Variants in ASXL1 observed in about 807,000 individuals in gnomAD.
ASXL1 encodes the protein polycomb group protein ASXL1.
Under a neutral mutation model 89.1 loss-of-function variants are expected in ASXL1, and 65 were observed. The observed-to-expected ratio is 0.73, with a 90% CI of 0.60 to 0.90. The LOEUF is 0.90. Ranked by LOEUF, ASXL1 falls within the 40% of genes least tolerant of loss-of-function variation. The pLI is 0.00. For missense variants in ASXL1, 1,786 were observed against 1,942.9 expected (o/e 0.92, Z 1.52); for synonymous variants, 739 against 746.9 (o/e 0.99, Z 0.17).
At position 32,434,888 on chromosome 20, in the gene ASXL1, AAGG is replaced by A. The variant is rs751039200; in HGVS notation, c.2181_2183del (p.Glu728del). 1.2e-6 allele frequency: 2 copies of A among 1,614,142 alleles called. No homozygotes were observed. Among genetic ancestry groups the A allele is most frequent in the Non-Finnish European group, 1.7e-6 (2 of 1,180,008 alleles). On this transcript the variant is annotated inframe_deletion, in exon 13 of 13. Transcript: ENST00000375687. ...GAGAGAGGACCTGCCTTCTCTGAGAAAGGAGGAAAGCTGCCTACTACAGAGGGC... is the reference window on the plus strand; with the variant it reads ...GAGAGAGGACCTGCCTTCTCTGAGAAAGGAAAGCTGCCTACTACAGAGGGC...
At chr20:32,400,230 CT>C (rs2048849445) in intron 4 of ASXL1, among the ~76,000 whole-genome samples, 1 of 152,046 alleles carries the variant, frequency 6.6e-6, no homozygotes, top group African/African-American at 2.4e-5. Context: ...ATTGACTATT[CT>C]CTTTAGTATA....
In ASXL1 at chr20:32,396,345, T is replaced by C. The variant is rs571079429; in HGVS notation, c.252+27222T>C. Among the ~76,000 whole-genome samples, 6 of 152,338 alleles carry C rather than the reference T, an allele frequency of 3.9e-5. No individual in the cohort carries two copies. The East Asian group carries it at 1.2e-3, about 29-fold the overall frequency. On this transcript the variant is annotated intron_variant, in intron 4 of 12. Coordinates refer to ENST00000375687, the MANE Select transcript of ASXL1 (RefSeq NM_015338.6). ...GGTTGTGGATATTTTTGTATTCATG[T>C]TGGTATTTTTGAGATTTGTTCTGGA...
chr20:32,392,786 A>G (rs1211794589), intron 4 of ASXL1, among the ~76,000 whole-genome samples: 1 of 152,102 alleles, frequency 6.6e-6, no homozygotes, highest in Non-Finnish European at 1.5e-5. Flanking sequence ...AAATCCAGAG[A>G]TCTTACTGTT....
Position 32,428,224 on chromosome 20 carries a change from A to C in ASXL1, c.349A>C (p.Ser117Arg), listed in dbSNP as rs1188313924. The change falls in exon 5 of 13, where the codon AGC becomes CGC. Residue 117 changes from serine (S) to arginine (R), a missense_variant. Ser to Arg is a moderately radical substitution (Grantham distance 110). Transcript: ENST00000375687. The part of the protein sequence containing the change: ...DVESCGSNEA[S>R]TVSGENDVSL... ...GGAGAGCTGTGGGTCTAATGAAGCC[A>C]GCACTGTGAGTGGTGAAAACGATGG... 1 of 1,614,208 alleles carries C rather than the reference A, an allele frequency of 6.2e-7. No individual in the cohort carries two copies. The highest frequency in any genetic ancestry group is 8.5e-7 in the Non-Finnish European group (1 of 1,180,036).
Position 32,435,902 on chromosome 20 carries a change from A to G in ASXL1, c.3190A>G (p.Ser1064Gly). Residue 1064 changes from serine (S) to glycine (G), a missense_variant, in exon 13 of 13, where the codon AGC (serine) becomes GGC (glycine). Around this residue, in one of 3 missense-constraint regions of ASXL1, gnomAD observed 1,418 missense variants for 1,427.8 expected, o/e 0.99. Transcript: ENST00000375687. The part of the protein sequence containing the change: ...TRTDGMVAPQ[S>G]WVSRVCAVRQ... Reference sequence around the variant, plus strand: ...GACAGATGGGATGGTTGCTCCTCAGAGCTGGGTGTCTCGAGTATGTGCGGT... The same window carrying G: ...GACAGATGGGATGGTTGCTCCTCAGGGCTGGGTGTCTCGAGTATGTGCGGT... The G allele has an allele frequency of 1.2e-6, 2 of 1,614,206 alleles. No homozygotes were observed. Among genetic ancestry groups the G allele is most frequent in the Non-Finnish European group, 1.7e-6 (2 of 1,180,030 alleles).
intron 4 of ASXL1, among the ~76,000 whole-genome samples, chr20:32,370,501 G>A (rs2048283943): frequency 6.6e-6 from 1 of 152,062 alleles, no homozygotes; most frequent in African/African-American, 2.4e-5. Context: ...GTACTTTGTC[G>A]ACCCCTGATT....
At position 32,430,937 on chromosome 20, in the gene ASXL1, A is replaced by G. The variant is rs929654820; in HGVS notation, c.719-384A>G. 1.8e-5 allele frequency: 8 copies of G among 446,584 alleles called. 1 individual carries two copies. The highest frequency in any genetic ancestry group is 6.8e-5 in the Admixed American group (2 of 29,434). The allele number at this position is 446,584 out of a possible 1,614,324, so 27.7% of individuals were successfully genotyped here. A position where few individuals can be genotyped will look rare whatever the true frequency, so the allele number is the denominator to read the frequency against. On this transcript the variant is annotated intron_variant, in intron 8 of 12. Coordinates refer to ENST00000375687, the MANE Select transcript of ASXL1 (RefSeq NM_015338.6). ...ACAGAAGGCTTCTGCAGATTTTTCT[A>G]TAGTATACTAACTAGATTTACTTTT...
chr20:32,361,128 C>G (rs2048103071), intron 1 of ASXL1, among the ~76,000 whole-genome samples: 1 of 152,126 alleles, frequency 6.6e-6, no homozygotes, highest in Admixed American at 6.6e-5. Flanking sequence ...GTGGAATAAT[C>G]ACTTGAGGCT....
At chr20:32,400,117 C>A (rs1418682257) in intron 4 of ASXL1, among the ~76,000 whole-genome samples, 1 of 151,470 alleles carries the variant, frequency 6.6e-6, no homozygotes, top group Non-Finnish European at 1.5e-5. Flanking sequence ...AAAAATCTTT[C>A]CTGTCTCTAC....
At chr20:32,430,208 A>G in intron 8 of ASXL1, 155 bp downstream of exon 8, 4 of 1,045,988 alleles carry the variant, frequency 3.8e-6, no homozygotes, top group Non-Finnish European at 5.3e-6. Context: ...TAATTTGCTT[A>G]TTTCATTTGT....
At chr20:32,406,594 C>T (rs2048960058) in intron 4 of ASXL1, among the ~76,000 whole-genome samples, 1 of 152,074 alleles carries the variant, frequency 6.6e-6, no homozygotes, top group South Asian at 2.1e-4. Flanking sequence ...TAATCACCCA[C>T]TCTTCACTGT....
At position 32,373,068 on chromosome 20, in the gene ASXL1, C is replaced by T. The variant is rs186611996; in HGVS notation, c.252+3945C>T. ...TTGGGTTTACATGCATGAGCCACCT[C>T]GTGTGTCCTTGTTCATAATTTTGAT... On this transcript the variant is annotated intron_variant, in intron 4 of 12. Transcript: ENST00000375687. 5.9e-4 allele frequency among the ~76,000 whole-genome samples: 88 copies of T among 149,640 alleles called. 1 individual carries two copies. Among genetic ancestry groups the T allele is most frequent in the Admixed American group, 1.3e-3 (20 of 15,046 alleles).
intron 4 of ASXL1, among the ~76,000 whole-genome samples, chr20:32,383,567 A>T (rs973144483): frequency 2.0e-4 from 30 of 151,730 alleles, no homozygotes; most frequent in African/African-American, 7.0e-4. Flanking sequence ...TCGGCCTCCC[A>T]CAAGTGCTGG....
In ASXL1 at chr20:32,436,487, C is replaced by T. The variant is rs2011891200; in HGVS notation, c.3775C>T (p.Pro1259Ser). 1 of 1,614,162 alleles carries T rather than the reference C, an allele frequency of 6.2e-7. No homozygotes were observed. The highest frequency in any genetic ancestry group is 8.5e-7 in the Non-Finnish European group (1 of 1,180,028). ...MSQDSNSNAA[P>S]GKSPGDLTTS... ...ACAGGACAGTAATTCAAATGCTGCT[C>T]CAGGAAAGAGCCCAGGAGATCTTAC... The change falls in exon 13 of 13, where the codon CCA (proline) becomes TCA (serine). Residue 1259 changes from proline to serine, a missense_variant. Pro to Ser is a moderately conservative substitution (Grantham distance 74, BLOSUM62 -1). Coordinates refer to ENST00000375687, the MANE Select transcript of ASXL1 (RefSeq NM_015338.6).
At chr20:32,359,374 C>T (rs2048070635) in intron 1 of ASXL1, 5 of 702,538 alleles carry the variant, frequency 7.1e-6, no homozygotes, top group Non-Finnish European at 1.0e-5. Flanking sequence ...CAGCTTGAAC[C>T]CTGAGCAGCG....
chr20:32,401,216 A>G (rs899086065), intron 4 of ASXL1, among the ~76,000 whole-genome samples: 3 of 152,202 alleles, frequency 2.0e-5, no homozygotes, highest in Non-Finnish European at 2.9e-5. Context: ...ATACAGTTCT[A>G]TGAAGTTTTA....
At chr20:32,377,908 CTCCCAAAGTCCTGGGATTACA>C (rs1250917363) in intron 4 of ASXL1, among the ~76,000 whole-genome samples, 2 of 151,810 alleles carry the variant, frequency 1.3e-5, no homozygotes, top group Non-Finnish European at 2.9e-5. Flanking sequence ...CTGCCTCAGC[CTCCCAAAGTCCTGGGATTACA>C]GGTGTGAACC....
At chr20:32,414,137 C>T (rs1245431015) in intron 4 of ASXL1, among the ~76,000 whole-genome samples, 3 of 152,252 alleles carry the variant, frequency 2.0e-5, no homozygotes, top group Non-Finnish European at 2.9e-5. Context: ...CATGATAATG[C>T]TGTGGAATGG....
In ASXL1 at chr20:32,405,216, G is replaced by A. The variant is rs140606212; in HGVS notation, c.253-22912G>A. Among the ~76,000 whole-genome samples the A allele has an allele frequency of 4.4e-3, 674 of 152,110 alleles. 6 individuals are homozygous for A. The highest frequency in any genetic ancestry group is 0.015 in the African/African-American group (616 of 41,488). On this transcript the variant is annotated intron_variant, in intron 4 of 12. Coordinates refer to ENST00000375687, the MANE Select transcript of ASXL1 (RefSeq NM_015338.6). ...TCATAGCTCACTCCAGGGCATAAAC[G>A]ATCCTCCTGCCTCAGCCTCCTGAGT...
Sources: gnomAD v4.1 joint callset for allele counts (sites outside exome capture counted in the v4.1 genomes callset) on GRCh38, gnomAD v4.1.1 for gene constraint, gnomAD v4.1.1 regional missense constraint, MANE v1.5 for transcripts, NCBI Gene and HGNC (gene_info 2026-07-23, HGNC 2026-07-21) for gene names.